Variants in RAD23B observed in about 807,000 individuals in gnomAD.
The protein encoded by RAD23B is lysine-specific demethylase RAD23B.
Under a neutral mutation model 49.1 loss-of-function variants are expected in RAD23B, and 5 were observed. The ratio of observed to expected loss-of-function variants is 0.10; its 90% confidence interval spans 0.05 to 0.21. RAD23B has a LOEUF of 0.21. RAD23B is among the 10% of genes least tolerant of loss of function. The pLI, the probability that RAD23B is intolerant of heterozygous loss-of-function variation, is 1.00. For synonymous variants in RAD23B, 184 were observed against 165.4 expected, an observed-to-expected ratio of 1.11 and a Z score of -0.86; for missense variants, 356 against 486.7, an observed-to-expected ratio of 0.73 and a Z score of 2.53.
At chr9:107,328,281 T>C (rs185152685) in intron 9 of RAD23B, among the ~76,000 whole-genome samples, 11 of 152,328 alleles carry the variant, frequency 7.2e-5, no homozygotes, top group Admixed American at 7.2e-4. Flanking sequence ...CAGCAGTCTT[T>C]AACCTTTTTG....
intron 1 of RAD23B, among the ~76,000 whole-genome samples, chr9:107,296,034 A>C (rs1220560168): frequency 6.6e-6 from 1 of 152,224 alleles, no homozygotes; most frequent in Non-Finnish European, 1.5e-5. Flanking sequence ...AGCTGGTAGG[A>C]ACAGGAGATT....
chr9:107,306,063 A>G (rs796367833), intron 3 of RAD23B, among the ~76,000 whole-genome samples: 1 of 125,346 alleles, frequency 8.0e-6, no homozygotes, highest in Non-Finnish European at 1.8e-5. Flanking sequence ...ATATATATAT[A>G]TATATATATC....
At chr9:107,329,052 C>G (rs1827260497) in intron 9 of RAD23B, among the ~76,000 whole-genome samples, 1 of 152,024 alleles carries the variant, frequency 6.6e-6, no homozygotes, top group East Asian at 1.9e-4. Flanking sequence ...GATGTTTGAT[C>G]CAAATGAAAG....
chr9:107,326,306 C>T (rs1459840502), intron 9 of RAD23B, among the ~76,000 whole-genome samples: 5 of 150,578 alleles, frequency 3.3e-5, no homozygotes, highest in Admixed American at 6.6e-5. Context: ...GGTGAAACCC[C>T]GTCTCTACTA....
chr9:107,299,599 T>C (rs940560768), intron 1 of RAD23B, among the ~76,000 whole-genome samples: 18 of 152,174 alleles, frequency 1.2e-4, no homozygotes, highest in African/African-American at 4.3e-4. Flanking sequence ...GAAACACCTG[T>C]AAAACTTTTT....
intron 3 of RAD23B, among the ~76,000 whole-genome samples, chr9:107,306,090 T>TATATATATATA (rs1826764540): frequency 3.1e-5 from 4 of 127,680 alleles, no homozygotes; most frequent in African/African-American, 5.4e-5. Context: ...TCTATATATA[T>TATATATATATA]TTCAAATTTT....
chr9:107,295,052 A>G (rs973286498), intron 1 of RAD23B, among the ~76,000 whole-genome samples: 1 of 149,664 alleles, frequency 6.7e-6, no homozygotes, highest in African/African-American at 2.4e-5. Flanking sequence ...TGATGTTGGT[A>G]AAGAGCAGTG....
chr9:107,295,630 T>A (rs1270145131), intron 1 of RAD23B, among the ~76,000 whole-genome samples: 1 of 152,138 alleles, frequency 6.6e-6, no homozygotes, highest in Non-Finnish European at 1.5e-5. Flanking sequence ...GAATGCAGAT[T>A]TGAGATATTC....
At chr9:107,306,268 T>C (rs1163804573) in intron 3 of RAD23B, 111 bp from the exon 4 acceptor site, 1 of 974,292 alleles carries the variant, frequency 1.0e-6, no homozygotes, top group Non-Finnish European at 1.5e-6. Flanking sequence ...TTTCAAGTTA[T>C]AGGTTGTTAT....
At chr9:107,297,709 T>C (rs1488296197) in intron 1 of RAD23B, among the ~76,000 whole-genome samples, 1 of 131,638 alleles carries the variant, frequency 7.6e-6, no homozygotes, top group East Asian at 2.0e-4. Context: ...AAAGGGCCTT[T>C]TTTTTTTTTT....
In RAD23B at chr9:107,331,684, G is replaced by A; in HGVS notation, c.*2028G>A. The A allele has an allele frequency of 1.5e-6, 1 of 649,138 alleles. No individual in the cohort carries two copies. Among genetic ancestry groups the A allele is most frequent in the Non-Finnish European group, 2.8e-6 (1 of 355,868 alleles). The allele number at this position is 649,138 out of a possible 1,614,324, so 40.2% of individuals were successfully genotyped here. On this transcript the variant is annotated 3_prime_UTR_variant, in exon 10 of 10. Transcript: ENST00000358015. ...GTCTACTCAGATCATAGTGAAAACT[G>A]GAAACAAAAAAAAAAAACAGCCTCT...
intron 7 of RAD23B, 133 bp downstream of exon 7, chr9:107,322,251 A>G (rs1827125481): frequency 2.6e-6 from 3 of 1,136,284 alleles, no homozygotes; most frequent in South Asian, 2.2e-5. Flanking sequence ...TCTCTTCACT[A>G]ATGTTTGAGA....
intron 7 of RAD23B, among the ~76,000 whole-genome samples, chr9:107,323,204 T>A (rs10978793): frequency 0.067 from 10,189 of 152,266 alleles, 411 homozygotes; most frequent in African/African-American, 0.1. Context: ...TATTTGGCAT[T>A]ATTAACATTT....
intron 1 of RAD23B, among the ~76,000 whole-genome samples, chr9:107,296,234 A>G (rs1341287874): frequency 1.3e-5 from 2 of 152,220 alleles, no homozygotes; most frequent in South Asian, 2.1e-4. Flanking sequence ...TTGAAGTGAT[A>G]CTGTTGGGTC....
intron 4 of RAD23B, among the ~76,000 whole-genome samples, chr9:107,309,128 G>C (rs772130884): frequency 1.3e-5 from 2 of 152,222 alleles, no homozygotes; most frequent in African/African-American, 2.4e-5. Flanking sequence ...ACTACTCAAA[G>C]TGTGGTAGTC....
intron 1 of RAD23B, among the ~76,000 whole-genome samples, chr9:107,299,268 A>G (rs1826599660): frequency 6.6e-6 from 1 of 152,212 alleles, no homozygotes; most frequent in Non-Finnish European, 1.5e-5. Context: ...ATAATTTTCA[A>G]GAAGTATTGA....
chr9:107,294,088 C>T (rs1387982289), intron 1 of RAD23B, among the ~76,000 whole-genome samples: 1 of 152,142 alleles, frequency 6.6e-6, no homozygotes, highest in Admixed American at 6.5e-5. Flanking sequence ...CAGAGATGCA[C>T]GGTAGTGCTC....
chr9:107,329,735 GCTCATATCCACAATACTT>G lies in RAD23B; in HGVS notation c.*80_*97del. ...CACTGGATTGTCTGGGATGACTTGG[GCTCATATCCACAATACTT>G]GGTATAAGGTAGTAGATTGTTGGGG... On this transcript the variant is annotated 3_prime_UTR_variant, in exon 10 of 10. Transcript: ENST00000358015. The G allele has an allele frequency of 1.3e-6, 1 of 758,284 alleles. No homozygotes were observed. Among genetic ancestry groups the G allele is most frequent in the Non-Finnish European group, 2.1e-6 (1 of 474,078 alleles). The allele number at this position is 758,284 out of a possible 1,614,324, so 47.0% of individuals were successfully genotyped here.
intron 3 of RAD23B, among the ~76,000 whole-genome samples, chr9:107,302,461 G>A (rs1826674203): frequency 6.6e-6 from 1 of 152,004 alleles, no homozygotes; most frequent in Non-Finnish European, 1.5e-5. Context: ...TGTAGTTTTT[G>A]TAAGCTTGCC....
Sources: allele counts gnomAD v4.1 joint callset (sites outside exome capture counted in the v4.1 genomes callset), GRCh38; gene constraint gnomAD v4.1.1; transcripts MANE v1.5; gene names NCBI Gene and HGNC (gene_info 2026-07-23, HGNC 2026-07-21).